Variants in GRID1 observed in about 807,000 individuals in gnomAD.
The protein encoded by GRID1 is glutamate ionotropic receptor delta type subunit 1.
In GRID1, 28 loss-of-function variants were observed where a neutral mutation model predicts 98.0. The ratio of observed to expected loss-of-function variants is 0.29; its 90% confidence interval spans 0.21 to 0.39. The LOEUF (loss-of-function observed/expected upper bound fraction) is 0.39. Ranked by LOEUF, GRID1 falls within the 10% of genes least tolerant of loss-of-function variation. The pLI, the probability that GRID1 is intolerant of heterozygous loss-of-function variation, is 1.00. For synonymous variants in GRID1, 553 were observed against 538.5 expected (o/e 1.03, Z -0.37); for missense variants, 1,111 against 1,340.5 (o/e 0.83, Z 2.67).
intron 4 of GRID1, among the ~76,000 whole-genome samples, chr10:86,091,928 A>T (rs1844155296): frequency 6.6e-6 from 1 of 152,200 alleles, no homozygotes; most frequent in African/African-American, 2.4e-5. Context: ...CATCCACAGG[A>T]AAAGGGGGAG....
chr10:86,351,907 G>A (rs148027759), intron 2 of GRID1, among the ~76,000 whole-genome samples: 1 of 152,364 alleles, frequency 6.6e-6, no homozygotes, highest in Non-Finnish European at 1.5e-5. Flanking sequence ...AGCCCATTAA[G>A]TGGGGGCACC....
chr10:85,735,777 G>A (rs12773880), intron 8 of GRID1, among the ~76,000 whole-genome samples: 16,666 of 151,492 alleles, frequency 0.11, 1,181 homozygotes, highest in African/African-American at 0.21. Context: ...AAATTCCTGC[G>A]AAGGGAAGGA....
At chr10:85,668,365 G>A (rs1004738016) in intron 12 of GRID1, among the ~76,000 whole-genome samples, 4 of 152,178 alleles carry the variant, frequency 2.6e-5, no homozygotes, top group African/African-American at 9.7e-5. Context: ...GGCATCTGTG[G>A]GCTGATGTGT....
At chr10:86,158,026 C>A (rs933935509) in intron 3 of GRID1, among the ~76,000 whole-genome samples, 1 of 152,200 alleles carries the variant, frequency 6.6e-6, no homozygotes, top group Non-Finnish European at 1.5e-5. Flanking sequence ...AGCATGAATT[C>A]TCAGGATTTT....
At chr10:85,912,629 G>A (rs6585988) in intron 5 of GRID1, among the ~76,000 whole-genome samples, 151,602 of 152,348 alleles carry the variant, frequency 1, 75,430 homozygotes, top group East Asian at 1. Flanking sequence ...GGAGGCCCCA[G>A]AGACACCTGC....
At chr10:86,201,114 T>C (rs534456415) in intron 3 of GRID1, among the ~76,000 whole-genome samples, 2 of 152,110 alleles carry the variant, frequency 1.3e-5, no homozygotes, top group Non-Finnish European at 2.9e-5. Flanking sequence ...AAGACAAATA[T>C]GAGAATGTTC....
chr10:85,775,342 A>T (rs1260194700), intron 8 of GRID1, among the ~76,000 whole-genome samples: 1 of 115,840 alleles, frequency 8.6e-6, no homozygotes, highest in Non-Finnish European at 1.7e-5. Context: ...CGGGGGAGGG[A>T]GGAGGGATAG....
chr10:85,978,136 G>A (rs1589321798), intron 4 of GRID1, among the ~76,000 whole-genome samples: 1 of 152,152 alleles, frequency 6.6e-6, no homozygotes, highest in East Asian at 1.9e-4. Context: ...GTCCCGCAGT[G>A]GACATTTTTC....
chr10:85,945,171 T>C (rs1325920155), intron 4 of GRID1, among the ~76,000 whole-genome samples: 1 of 152,180 alleles, frequency 6.6e-6, no homozygotes, highest in Non-Finnish European at 1.5e-5. Context: ...TGCACATGAA[T>C]TACTATAGAT....
At chr10:85,750,044 T>A (rs888387790) in intron 8 of GRID1, among the ~76,000 whole-genome samples, 1 of 152,184 alleles carries the variant, frequency 6.6e-6, no homozygotes, top group Admixed American at 6.6e-5. Context: ...TTGACCTATT[T>A]TCAGCAGGTC....
At chr10:85,794,960 C>T (rs1465212285) in intron 8 of GRID1, among the ~76,000 whole-genome samples, 1 of 152,120 alleles carries the variant, frequency 6.6e-6, no homozygotes, top group Admixed American at 6.5e-5. Flanking sequence ...TTGAAAATGG[C>T]AGATGACACA....
intron 2 of GRID1, among the ~76,000 whole-genome samples, chr10:86,229,680 C>T (rs1461782614): frequency 6.6e-6 from 1 of 152,186 alleles, no homozygotes; most frequent in Non-Finnish European, 1.5e-5. Context: ...GCCTGGAGTT[C>T]AACTCATCTG....
At chr10:85,877,418 A>C (rs956663126) in intron 5 of GRID1, among the ~76,000 whole-genome samples, 2 of 152,178 alleles carry the variant, frequency 1.3e-5, no homozygotes, top group African/African-American at 4.8e-5. Flanking sequence ...CCAGAGGAAC[A>C]ATCAGGCAGC....
chr10:86,222,898 C>T (rs780691698), intron 2 of GRID1, among the ~76,000 whole-genome samples: 2 of 152,250 alleles, frequency 1.3e-5, no homozygotes, highest in South Asian at 4.1e-4. Flanking sequence ...CAGGTGCACA[C>T]CCAAAACAGC....
intron 4 of GRID1, among the ~76,000 whole-genome samples, chr10:85,919,321 C>A (rs78784564): frequency 0.024 from 3,691 of 152,312 alleles, 172 homozygotes; most frequent in African/African-American, 0.085. Flanking sequence ...AACTGGTCAA[C>A]TTTTCTGTCC....
intron 4 of GRID1, among the ~76,000 whole-genome samples, chr10:86,113,585 C>T (rs61856057): frequency 0.028 from 4,306 of 152,206 alleles, 69 homozygotes; most frequent in Middle Eastern, 0.051. Flanking sequence ...TGCTTTTTTG[C>T]CTCTCCCTCT....
intron 3 of GRID1, among the ~76,000 whole-genome samples, chr10:86,161,468 A>G (rs1285097176): frequency 1.3e-5 from 2 of 152,090 alleles, no homozygotes; most frequent in Non-Finnish European, 2.9e-5. Flanking sequence ...ACCCCCACCG[A>G]GCGCTCCTGC....
At chr10:86,324,261 C>T (rs1019186997) in intron 2 of GRID1, among the ~76,000 whole-genome samples, 3 of 152,026 alleles carry the variant, frequency 2.0e-5, no homozygotes, top group African/African-American at 7.3e-5. Context: ...TGATACAGCT[C>T]GGGGCAGAAG....
intron 5 of GRID1, among the ~76,000 whole-genome samples, chr10:85,883,972 C>T (rs1258405595): frequency 6.6e-6 from 1 of 152,204 alleles, no homozygotes; most frequent in Non-Finnish European, 1.5e-5. Context: ...TCAGGCTCCA[C>T]ATTTGTTTAG....
Sources: gnomAD v4.1 joint callset for allele counts (sites outside exome capture counted in the v4.1 genomes callset) on GRCh38, gnomAD v4.1.1 for gene constraint, MANE v1.5 for transcripts, NCBI Gene and HGNC (gene_info 2026-07-23, HGNC 2026-07-21) for gene names.